Variants in ITPR1 observed in about 807,000 individuals in gnomAD.
The protein encoded by ITPR1 is inositol 1,4,5-trisphosphate-gated calcium channel ITPR1.
Under a neutral mutation model 318.4 loss-of-function variants are expected in ITPR1, and 96 were observed. The ratio of observed to expected loss-of-function variants is 0.30; its 90% CI spans 0.26 to 0.36. The LOEUF (loss-of-function observed/expected upper bound fraction) is 0.36. Ranked by LOEUF, ITPR1 falls within the 10% of genes least tolerant of loss-of-function variation. ITPR1 has a pLI of 1.00. For missense variants in ITPR1, 2,440 were observed against 3,460.2 expected, an observed-to-expected ratio of 0.71 and a Z score of 7.40; for synonymous variants, 1,312 against 1,289.9, an observed-to-expected ratio of 1.02 and a Z score of -0.37.
intron 5 of ITPR1, among the ~76,000 whole-genome samples, chr3:4,633,480 T>A (rs2093080396): frequency 6.6e-6 from 1 of 152,236 alleles, no homozygotes; most frequent in African/African-American, 2.4e-5. Flanking sequence ...GAAGTCAGAC[T>A]ATTTTAAATT....
chr3:4,545,047 C>T (rs535641967), intron 4 of ITPR1, among the ~76,000 whole-genome samples: 26 of 152,208 alleles, frequency 1.7e-4, no homozygotes, highest in African/African-American at 6.3e-4. Flanking sequence ...CCTTCCGCCT[C>T]AGCCTCCCAA....
intron 4 of ITPR1, among the ~76,000 whole-genome samples, chr3:4,568,773 G>C (rs900149747): frequency 6.6e-6 from 1 of 152,116 alleles, no homozygotes; most frequent in South Asian, 2.1e-4. Flanking sequence ...ATGTTGATGA[G>C]GGCTCTATGA....
intron 44 of ITPR1, among the ~76,000 whole-genome samples, chr3:4,748,049 G>T (rs926372474): frequency 6.6e-6 from 1 of 152,220 alleles, no homozygotes; most frequent in South Asian, 2.1e-4. Flanking sequence ...TTTATAAAGT[G>T]CCCAGCACTG....
chr3:4,811,019 T>C (rs1363540138), intron 55 of ITPR1, among the ~76,000 whole-genome samples: 1 of 152,242 alleles, frequency 6.6e-6, no homozygotes, highest in Admixed American at 6.5e-5. Flanking sequence ...CCAGTCCCTC[T>C]AAATGGCTCT....
At chr3:4,778,690 T>C (rs1018302040) in intron 48 of ITPR1, among the ~76,000 whole-genome samples, 1 of 152,204 alleles carries the variant, frequency 6.6e-6, no homozygotes, top group Non-Finnish European at 1.5e-5. Context: ...GTTCATGTGC[T>C]CCTGGTCAGC....
At chr3:4,619,216 A>C (rs2092501024) in intron 4 of ITPR1, among the ~76,000 whole-genome samples, 1 of 152,024 alleles carries the variant, frequency 6.6e-6, no homozygotes, top group Non-Finnish European at 1.5e-5. Flanking sequence ...CATTAGTCTG[A>C]AATTTTGCAA....
At position 4,676,724 on chromosome 3, in the gene ITPR1, A is replaced by G; in HGVS notation, c.2890A>G (p.Asn964Asp). The G allele has an allele frequency of 6.2e-7, 1 of 1,613,804 alleles. No homozygotes were observed. Among genetic ancestry groups the G allele is most frequent in the Admixed American group, 1.7e-5 (1 of 60,016 alleles). Residue 964 changes from asparagine to aspartate, a missense_variant, in exon 24 of 62, where the codon AAT becomes GAT. Asn to Asp is a conservative substitution (Grantham distance 23, BLOSUM62 1). This residue lies in a region of ITPR1 where 478 missense variants were observed against 696.3 expected (regional missense o/e 0.69). Coordinates refer to ENST00000649015, the MANE Select transcript of ITPR1 (RefSeq NM_001378452.1). ...TCCCATGGCTGCTGCCCCTGAAGGC[A>G]ATGTGAAGCAGGCAGAGCCTGAGAA... ...MTPMAAAPEGNVKQAEPEKED... is the reference protein window; with the variant it reads ...MTPMAAAPEGDVKQAEPEKED...
At chr3:4,844,763 T>A (rs2051632530) in intron 61 of ITPR1, among the ~76,000 whole-genome samples, 1 of 152,238 alleles carries the variant, frequency 6.6e-6, no homozygotes, top group Admixed American at 6.5e-5. Flanking sequence ...AAAGCTTTAT[T>A]AAAAGCTACC....
intron 13 of ITPR1, among the ~76,000 whole-genome samples, chr3:4,658,490 T>G (rs2093762202): frequency 6.6e-6 from 1 of 151,798 alleles, no homozygotes; most frequent in South Asian, 2.1e-4. Context: ...AAGTGCTATA[T>G]TTAGGTAAAC....
chr3:4,844,325 C>T (rs976761787), intron 61 of ITPR1, among the ~76,000 whole-genome samples: 10 of 151,768 alleles, frequency 6.6e-5, no homozygotes, highest in Admixed American at 1.3e-4. Flanking sequence ...GGTTTTGCTA[C>T]GTTGCCCAGG....
At chr3:4,571,636 A>T (rs1048088351) in intron 4 of ITPR1, among the ~76,000 whole-genome samples, 7 of 152,074 alleles carry the variant, frequency 4.6e-5, no homozygotes, top group African/African-American at 1.7e-4. Context: ...ACCCGGCCTG[A>T]TTTCACTTCT....
chr3:4,532,963 G>T, intron 4 of ITPR1, among the ~76,000 whole-genome samples: 1 of 152,350 alleles, frequency 6.6e-6, no homozygotes, highest in South Asian at 2.1e-4. Flanking sequence ...TTTGCAGAGG[G>T]AATTTCTGCT....
intron 4 of ITPR1, among the ~76,000 whole-genome samples, chr3:4,526,471 T>G (rs2082986132): frequency 6.6e-6 from 1 of 152,212 alleles, no homozygotes; most frequent in Non-Finnish European, 1.5e-5. Flanking sequence ...GCTGAGGCCC[T>G]ACTGTGTACC....
In ITPR1 at chr3:4,795,094, A is replaced by C. The variant is rs368097378; in HGVS notation, c.6838A>C (p.Asn2280His). 26 of 1,613,650 alleles carry C rather than the reference A, an allele frequency of 1.6e-5. No individual in the cohort carries two copies. The highest frequency in any genetic ancestry group is 2.7e-5 in the African/African-American group (2 of 74,910). ...GCCCGTGTTGTACTGGTGTGCCCGC[A>C]ACATGTCTTTCTGGAGCAGCATTTC... ...AQPVLYWCAR[N>H]MSFWSSISFN... The change falls in exon 53 of 62, where the codon AAC (asparagine) becomes CAC (histidine). Residue 2280 changes from asparagine (N) to histidine (H), a missense_variant. Physicochemically the swap from Asn to His is moderately conservative, Grantham distance 68. Transcript: ENST00000649015.
chr3:4,820,901 G>A (rs1335228146), intron 60 of ITPR1, among the ~76,000 whole-genome samples: 1 of 152,194 alleles, frequency 6.6e-6, no homozygotes, highest in Non-Finnish European at 1.5e-5. Context: ...GGTGGGGGTG[G>A]GGGCTGGGGC....
rs62231584 is a variant in ITPR1, at chr3:4,655,502, A to T, written c.996+1616A>T. 4.2e-3 allele frequency among the ~76,000 whole-genome samples: 638 copies of T among 152,208 alleles called. 1 individual carries two copies. Among genetic ancestry groups the T allele is most frequent in the Non-Finnish European group, 7.2e-3 (493 of 68,006 alleles). ...TCTGAGCCTCAATTCCTTCATCTAT[A>T]CAAGTGGCATTTTTCAGGTTCTCCC... On this transcript the variant is annotated intron_variant, in intron 12 of 61. Transcript: ENST00000649015.
chr3:4,594,277 A>G (rs1001559653), intron 4 of ITPR1, among the ~76,000 whole-genome samples: 1 of 152,142 alleles, frequency 6.6e-6, no homozygotes, highest in African/African-American at 2.4e-5. Context: ...AATCGGGCTG[A>G]AGTCATCCTC....
At chr3:4,728,266 T>C (rs1019575365) in intron 42 of ITPR1, among the ~76,000 whole-genome samples, 32 of 152,222 alleles carry the variant, frequency 2.1e-4, no homozygotes, top group African/African-American at 7.5e-4. Context: ...CTGATTTTCA[T>C]GTTGCCCATT....
chr3:4,740,947 G>A (rs2043658065), intron 44 of ITPR1, among the ~76,000 whole-genome samples: 1 of 152,196 alleles, frequency 6.6e-6, no homozygotes. Context: ...GTGGCTTGAT[G>A]TTTTGTAGCA....
Sources: gnomAD v4.1 joint callset for allele counts (sites outside exome capture counted in the v4.1 genomes callset) on GRCh38, gnomAD v4.1.1 for gene constraint, gnomAD v4.1.1 regional missense constraint, MANE v1.5 for transcripts, NCBI Gene and HGNC (gene_info 2026-07-23, HGNC 2026-07-21) for gene names.